FOCAD: variants seen among roughly 807,000 people sequenced by gnomAD.
FOCAD encodes the protein KIAA1797.
FOCAD carries 198 observed loss-of-function variants against 225.6 expected under a neutral mutation model. The ratio of observed to expected loss-of-function variants is 0.88; its 90% CI spans 0.78 to 0.99. FOCAD has a LOEUF of 0.99. FOCAD is among the 50% of genes least tolerant of loss of function. FOCAD has a pLI of 0.00. For missense variants in FOCAD, 2,713 were observed against 2,123.6 expected, an observed-to-expected ratio of 1.28 and a Z score of -5.46; for synonymous variants, 897 against 755.0, an observed-to-expected ratio of 1.19 and a Z score of -3.08.
intron 15 of FOCAD, among the ~76,000 whole-genome samples, chr9:20,833,136 G>T (rs927463086): frequency 6.6e-6 from 1 of 151,902 alleles, no homozygotes; most frequent in Non-Finnish European, 1.5e-5. Flanking sequence ...AGTGTAATAG[G>T]GTTCCCTTTT....
chr9:20,872,509 T>G (rs1051550864), intron 18 of FOCAD, among the ~76,000 whole-genome samples: 1 of 138,548 alleles, frequency 7.2e-6, no homozygotes, highest in African/African-American at 2.6e-5. Context: ...CTTACTCTTT[T>G]CATTCTACTC....
rs750712415 is a variant in FOCAD, at chr9:20,821,102, A to G, written c.1793+31A>G. 2.5e-6 allele frequency: 4 copies of G among 1,588,558 alleles called. No homozygotes were observed. In the African/African-American group the frequency reaches 5.4e-5, roughly 21 times the overall value. On this transcript the variant is annotated intron_variant, in intron 14 of 43. Coordinates refer to ENST00000338382, the MANE Select transcript of FOCAD (RefSeq NM_001375567.1). ...ATGTCATTAACTCTTAGGAATGTAT[A>G]TCATGATATATTATTTTGTATTTAA...
chr9:20,870,179 T>C (rs1206175810), intron 18 of FOCAD, among the ~76,000 whole-genome samples: 1 of 152,218 alleles, frequency 6.6e-6, no homozygotes, highest in Non-Finnish European at 1.5e-5. Context: ...TTTCTAGGGT[T>C]AATTTTAGAA....
intron 5 of FOCAD, among the ~76,000 whole-genome samples, chr9:20,744,034 A>G (rs1351345203): frequency 6.6e-6 from 1 of 152,170 alleles, no homozygotes; most frequent in Admixed American, 6.6e-5. Flanking sequence ...AAGGAAAAGC[A>G]CTCCAAAGAG....
At chr9:20,762,914 C>T (rs748400152) in intron 6 of FOCAD, among the ~76,000 whole-genome samples, 9 of 152,130 alleles carry the variant, frequency 5.9e-5, no homozygotes, top group Non-Finnish European at 8.8e-5. Flanking sequence ...TAAATGAGAA[C>T]GGTCAAGCAT....
At chr9:20,700,433 C>T (rs765168361) in intron 1 of FOCAD, among the ~76,000 whole-genome samples, 1 of 150,018 alleles carries the variant, frequency 6.7e-6, no homozygotes, top group Non-Finnish European at 1.5e-5. Context: ...AAATTTATGA[C>T]AGCATAATGA....
chr9:20,975,873 A>C (rs980114707), intron 35 of FOCAD, among the ~76,000 whole-genome samples: 2 of 152,188 alleles, frequency 1.3e-5, no homozygotes, highest in African/African-American at 4.8e-5. Flanking sequence ...ATAGAGGTAG[A>C]GAGTATAGAA....
intron 35 of FOCAD, among the ~76,000 whole-genome samples, chr9:20,968,816 C>A (rs1266869445): frequency 6.6e-6 from 1 of 152,032 alleles, no homozygotes; most frequent in Non-Finnish European, 1.5e-5. Context: ...TATATTTGCT[C>A]TTCTTTTTTA....
chr9:20,855,176 C>T (rs1334835516), intron 15 of FOCAD, among the ~76,000 whole-genome samples: 1 of 151,568 alleles, frequency 6.6e-6, no homozygotes, highest in Non-Finnish European at 1.5e-5. Context: ...TATAATTTTA[C>T]ATTTATTTAT....
At chr9:20,762,462 T>G (rs1281668786) in intron 6 of FOCAD, among the ~76,000 whole-genome samples, 2 of 152,234 alleles carry the variant, frequency 1.3e-5, no homozygotes, top group Non-Finnish European at 2.9e-5. Flanking sequence ...ATTTCTTGTT[T>G]TGTTTCCATC....
At chr9:20,819,727 T>G (rs775325929) in intron 11 of FOCAD, 69 bp from the exon 12 acceptor site, 127 of 769,156 alleles carry the variant, frequency 1.7e-4, no homozygotes, top group Non-Finnish European at 2.0e-4. Context: ...AAAAAAGAGA[T>G]AAATATTCCA....
intron 22 of FOCAD, among the ~76,000 whole-genome samples, chr9:20,911,137 G>T (rs568459809): frequency 6.6e-6 from 1 of 152,142 alleles, no homozygotes; most frequent in Admixed American, 6.5e-5. Flanking sequence ...ACTTTGTTTT[G>T]CCTGGACTCC....
intron 24 of FOCAD, among the ~76,000 whole-genome samples, chr9:20,918,767 T>G (rs1006294707): frequency 1.3e-5 from 2 of 152,136 alleles, no homozygotes; most frequent in African/African-American, 4.8e-5. Context: ...AGACCTTATT[T>G]TAATAAAGCA....
At chr9:20,908,991 A>T (rs1467474220) in intron 22 of FOCAD, among the ~76,000 whole-genome samples, 1 of 152,018 alleles carries the variant, frequency 6.6e-6, no homozygotes. Flanking sequence ...TTAATAAAGG[A>T]TGTTCAAAAT....
chr9:20,972,811 G>T (rs1260581167), intron 35 of FOCAD, among the ~76,000 whole-genome samples: 1 of 152,040 alleles, frequency 6.6e-6, no homozygotes, highest in Non-Finnish European at 1.5e-5. Context: ...CCTTTTCAGT[G>T]TGCTGATTTT....
chr9:20,866,888 CT>C lies in FOCAD; in HGVS notation c.2107-12del, dbSNP rs10629839. ...CATGTTGTGTTTTTTTGTTTGCTTG[CT>C]TTTTTTTTTTTTTTTTTTTTTTTTT... On this transcript the variant is annotated intron_variant, in intron 17 of 43. Coordinates refer to ENST00000338382, the MANE Select transcript of FOCAD (RefSeq NM_001375567.1). The C allele has an allele frequency of 7.1e-3, 2,420 of 341,164 alleles. 2 individuals carry two copies. Among genetic ancestry groups the C allele is most frequent in the African/African-American group, 0.015 (214 of 13,910 alleles). The allele number at this position is 341,164 out of a possible 1,614,324, so 21.1% of individuals were successfully genotyped here.
At chr9:20,801,005 G>T (rs2131283553) in intron 11 of FOCAD, among the ~76,000 whole-genome samples, 1 of 152,184 alleles carries the variant, frequency 6.6e-6, no homozygotes, top group East Asian at 1.9e-4. Context: ...TTTGATGATG[G>T]TGAAGTACAG....
At position 20,865,944 on chromosome 9, in the gene FOCAD, C is replaced by G; in HGVS notation, c.2074C>G (p.Leu692Val). 4 of 1,608,380 alleles carry G rather than the reference C, an allele frequency of 2.5e-6. No individual in the cohort carries two copies. Among genetic ancestry groups the G allele is most frequent in the Non-Finnish European group, 3.4e-6 (4 of 1,177,362 alleles). Residue 692 changes from leucine to valine, a missense_variant, in exon 17 of 44, where the codon CTC becomes GTC. Leu to Val is a conservative substitution (Grantham distance 32). Coordinates refer to ENST00000338382, the MANE Select transcript of FOCAD (RefSeq NM_001375567.1). ...TEYENFKVQV[L>V]SFLWTHTQNK... is the part of the protein sequence containing the mutation. The stretch of plus-strand genomic sequence containing the variant: ...TTTTCAGAATTTTAAAGTTCAAGTC[C>G]TCAGCTTCCTCTGGACTCATACTCA...
At chr9:20,716,161 A>G (rs755166131) in intron 2 of FOCAD, 1 of 472,666 alleles carries the variant, frequency 2.1e-6, no homozygotes, top group Non-Finnish European at 4.6e-6. Context: ...CTCCTTATGC[A>G]AGATTCCCTT....
Sources: allele counts gnomAD v4.1 joint callset (sites outside exome capture counted in the v4.1 genomes callset), GRCh38; gene constraint gnomAD v4.1.1; transcripts MANE v1.5; gene names NCBI Gene and HGNC (gene_info 2026-07-23, HGNC 2026-07-21).